USH1C: variants seen among roughly 807,000 people sequenced by gnomAD.
USH1C encodes the protein USH1 protein network component harmonin.
Under a neutral mutation model 119.3 loss-of-function variants are expected in USH1C, and 90 were observed. That is an observed-to-expected ratio of 0.75 (90% CI 0.64 to 0.90). The LOEUF (loss-of-function observed/expected upper bound fraction) is 0.90. Ranked by LOEUF, USH1C falls within the 40% of genes least tolerant of loss-of-function variation. USH1C has a pLI of 0.00. For missense variants in USH1C, 1,165 were observed against 1,167.7 expected (o/e 1.00, Z 0.03); for synonymous variants, 465 against 443.3 (o/e 1.05, Z -0.62).
intron 25 of USH1C, among the ~76,000 whole-genome samples, chr11:17,495,969 G>A (rs1201012644): frequency 2.6e-5 from 4 of 152,042 alleles, no homozygotes; most frequent in Non-Finnish European, 5.9e-5. Context: ...AGGTGAGGAT[G>A]GAGGTGAGAC....
chr11:17,526,532 G>T, intron 7 of USH1C, 91 bp from the exon 8 acceptor site: 2 of 1,236,726 alleles, frequency 1.6e-6, no homozygotes, highest in Non-Finnish European at 2.3e-6. Context: ...GAGCACTGCT[G>T]AACTCACGCC....
intron 1 of USH1C, chr11:17,533,832 C>T (rs1236318958): frequency 2.2e-6 from 1 of 448,670 alleles, no homozygotes; most frequent in Non-Finnish European, 4.5e-6. Context: ...TCTGTAACAT[C>T]AGTGCCAGGG....
chr11:17,509,510 C>T lies in USH1C; in HGVS notation c.1859G>A (p.Arg620His), dbSNP rs139996942. The T allele has an allele frequency of 2.4e-5, 14 of 581,800 alleles. No homozygotes were observed. In the East Asian group the frequency reaches 4.9e-4, roughly 20 times the overall value. 36.0% of individuals were successfully genotyped at this position (581,800 alleles called of 1,614,324 possible). Reference sequence around the variant, plus strand: ...TTCTTCCAGCGCCGAGGGCAGTGGGCGGGTGGGAGTGAGGTCTTGGGTGGG... The same window carrying T: ...TTCTTCCAGCGCCGAGGGCAGTGGGTGGGTGGGAGTGAGGTCTTGGGTGGG... ...SVPTQDLTPT[R>H]PLPSALEEAL... is the part of the protein sequence containing the mutation. The change falls in exon 18 of 27, where the codon CGC becomes CAC. Residue 620 changes from arginine to histidine, a missense_variant. Transcript: ENST00000005226.
chr11:17,502,181 G>A, intron 20 of USH1C: 1 of 560,532 alleles, frequency 1.8e-6, no homozygotes, highest in South Asian at 2.4e-5. Context: ...ACAAGCAGGA[G>A]GCTGAGGAAG....
intron 24 of USH1C, among the ~76,000 whole-genome samples, chr11:17,497,192 ATTCCGACGCAC>A (rs897468101): frequency 1.6e-4 from 25 of 152,316 alleles, no homozygotes; most frequent in African/African-American, 6.0e-4. Flanking sequence ...TCTCTGGGTA[ATTCCGACGCAC>A]TTTCTGATGC....
At chr11:17,498,470 C>T (rs535655082) in intron 23 of USH1C, among the ~76,000 whole-genome samples, 199 bp from the exon 24 acceptor site, 76 of 152,308 alleles carry the variant, frequency 5.0e-4, no homozygotes, top group Middle Eastern at 3.4e-3. Context: ...GTCCCTGTCC[C>T]TTCCACACCC....
chr11:17,536,387 T>C (rs1851232430), intron 1 of USH1C, among the ~76,000 whole-genome samples: 1 of 152,244 alleles, frequency 6.6e-6, no homozygotes, highest in Admixed American at 6.5e-5. Context: ...CCATGTTTAT[T>C]GTGCATTAGG....
At chr11:17,501,643 G>A in intron 21 of USH1C, 108 bp from the exon 22 acceptor site, 2 of 1,312,786 alleles carry the variant, frequency 1.5e-6, no homozygotes, top group South Asian at 1.3e-5. Flanking sequence ...GCCCCACAGA[G>A]CACATGGGCA....
intron 1 of USH1C, among the ~76,000 whole-genome samples, chr11:17,540,613 TCCTGCTCCGTCTCCACCAA>T (rs1263591086): frequency 6.6e-6 from 1 of 152,120 alleles, no homozygotes; most frequent in Non-Finnish European, 1.5e-5. Context: ...TTCCACCACC[TCCTGCTCCGTCTCCACCAA>T]CCTGCTCCGT....
intron 20 of USH1C, 54 bp downstream of exon 20, chr11:17,504,593 G>T: frequency 6.3e-7 from 1 of 1,588,850 alleles, no homozygotes. Flanking sequence ...GCACAGAGTG[G>T]GAGGGACGGG....
intron 15 of USH1C, among the ~76,000 whole-genome samples, chr11:17,514,022 T>C (rs1203130697): frequency 6.6e-6 from 1 of 152,176 alleles, no homozygotes; most frequent in Non-Finnish European, 1.5e-5. Context: ...GAATCTGCCT[T>C]CCCTGCCAGA....
chr11:17,526,692 C>A, intron 7 of USH1C, 61 bp downstream of exon 7: 5 of 1,556,578 alleles, frequency 3.2e-6, no homozygotes, highest in Non-Finnish European at 3.5e-6. Context: ...CCTTCAGGAC[C>A]GGCCACCCCT....
At chr11:17,496,651 G>A (rs1322519336) in intron 25 of USH1C, 107 bp downstream of exon 25, 4 of 1,377,564 alleles carry the variant, frequency 2.9e-6, no homozygotes. Flanking sequence ...TGCGTGCTTG[G>A]GCCATTCCTT....
rs548090508 is a variant in USH1C, at chr11:17,501,541, G to C, written c.2227-6C>G. ...ATGATCTGCTCTGGGGTGAACTAGA[G>C]AGAAAAAGACAGTGGGAAGCTTTGA... On this transcript the variant is annotated splice_region_variant and splice_polypyrimidine_tract_variant and intron_variant, in intron 21 of 26. Transcript: ENST00000005226. 1 of 1,611,542 alleles carries C rather than the reference G, an allele frequency of 6.2e-7. No individual in the cohort carries two copies. Among genetic ancestry groups the C allele is most frequent in the African/African-American group, 1.3e-5 (1 of 75,006 alleles).
chr11:17,515,051 ATGTGTGTGTGTGCT>A (rs1234719044), intron 15 of USH1C, among the ~76,000 whole-genome samples: 1 of 126,914 alleles, frequency 7.9e-6, no homozygotes, highest in East Asian at 2.6e-4. Context: ...CTATGTGTGC[ATGTGTGTGTGTGCT>A]TGTGTGTGTG....
intron 14 of USH1C, among the ~76,000 whole-genome samples, chr11:17,520,120 G>A (rs1850345764): frequency 1.3e-5 from 2 of 152,222 alleles, no homozygotes; most frequent in Non-Finnish European, 2.9e-5. Flanking sequence ...ACTTGTGGTT[G>A]TCATGGTCCC....
Position 17,527,331 on chromosome 11 carries a change from C to A in USH1C, c.388G>T (p.Val130Leu). The change falls in exon 5 of 27, where the codon GTA (valine) becomes TTA (leucine). Residue 130 changes from valine to leucine, a missense_variant and splice_region_variant. By Grantham distance (32) the Val-to-Leu change is conservative. Coordinates refer to ENST00000005226, the MANE Select transcript of USH1C (RefSeq NM_153676.4). ...TTGATCCGGACGATCTCGTCCCCTA[C>A]CTTGACCACAGAGAGAGGCAGGGAG... ...GGQADSVGLQ[V>L]GDEIVRINGY... 3.1e-6 allele frequency: 5 copies of A among 1,610,176 alleles called. No homozygotes were observed. Among genetic ancestry groups the A allele is most frequent in the Non-Finnish European group, 4.2e-6 (5 of 1,179,390 alleles).
chr11:17,508,043 T>C (rs1849718587), intron 18 of USH1C, among the ~76,000 whole-genome samples: 1 of 152,084 alleles, frequency 6.6e-6, no homozygotes, highest in Non-Finnish European at 1.5e-5. Context: ...TGCTCCCCTC[T>C]CCCCTTCACA....
chr11:17,504,901 G>A (rs986931694), intron 19 of USH1C, among the ~76,000 whole-genome samples: 4 of 152,206 alleles, frequency 2.6e-5, no homozygotes, highest in African/African-American at 9.6e-5. Context: ...CTTGATATTA[G>A]CCAGAGAACA....
Sources: allele counts gnomAD v4.1 joint callset (sites outside exome capture counted in the v4.1 genomes callset), GRCh38; gene constraint gnomAD v4.1.1; transcripts MANE v1.5; gene names NCBI Gene and HGNC (gene_info 2026-07-23, HGNC 2026-07-21).